TENM3: variants seen among roughly 807,000 people sequenced by gnomAD.
The protein encoded by TENM3 is teneurin transmembrane protein 3, also known as teneurin-3.
A neutral mutation model predicts 255.1 loss-of-function variants in TENM3; 63 were observed. The ratio of observed to expected loss-of-function variants is 0.25; its 90% CI spans 0.20 to 0.30. The LOEUF (loss-of-function observed/expected upper bound fraction) is 0.30, where lower values mean the gene tolerates loss of function less well. TENM3 is among the 10% of genes least tolerant of loss of function. The probability of loss-of-function intolerance (pLI) is 1.00; values close to 1 mark genes in which losing one functional copy is unlikely to be tolerated. For missense variants in TENM3, 2,929 were observed against 3,461.1 expected (o/e 0.85, Z 3.86); for synonymous variants, 1,306 against 1,322.3 (o/e 0.99, Z 0.27).
At chr4:182,615,337 AG>A (rs571462873) in intron 4 of TENM3, among the ~76,000 whole-genome samples, 119 of 152,288 alleles carry the variant, frequency 7.8e-4, no homozygotes, top group African/African-American at 2.7e-3. Context: ...GTGGAGAACT[AG>A]TACTCTCTCT....
intron 3 of TENM3, among the ~76,000 whole-genome samples, chr4:182,547,760 C>A (rs1248702493): frequency 6.6e-6 from 1 of 152,102 alleles, no homozygotes; most frequent in Admixed American, 6.5e-5. Flanking sequence ...ATGTAAGGAA[C>A]CAAAATCATA....
intron 3 of TENM3, among the ~76,000 whole-genome samples, chr4:182,485,819 G>A (rs1023813332): frequency 2.6e-5 from 4 of 152,172 alleles, no homozygotes; most frequent in African/African-American, 9.7e-5. Flanking sequence ...GTTTATAGTC[G>A]ATTCAGAAAT....
chr4:181,621,189 T>A, the TENM3 span, among the ~76,000 whole-genome samples: 3 of 152,142 alleles, frequency 2.0e-5, no homozygotes, highest in Non-Finnish European at 2.9e-5. Context: ...AACAAAAGAC[T>A]CAAGAGTCCT....
At chr4:181,982,016 C>T in the TENM3 span, among the ~76,000 whole-genome samples, 1 of 152,104 alleles carries the variant, frequency 6.6e-6, no homozygotes, top group Non-Finnish European at 1.5e-5. Flanking sequence ...GAGTGAATCA[C>T]ACCACACAAG....
At chr4:182,075,040 G>A in the TENM3 span, among the ~76,000 whole-genome samples, 4 of 152,026 alleles carry the variant, frequency 2.6e-5, no homozygotes, top group South Asian at 2.1e-4. Context: ...CCAGAGTGGC[G>A]CCTGATGGGG....
the TENM3 span, among the ~76,000 whole-genome samples, chr4:181,628,235 C>A: frequency 1.3e-5 from 2 of 151,980 alleles, no homozygotes; most frequent in Non-Finnish European, 2.9e-5. Flanking sequence ...GGATATTAGC[C>A]CTTTGTCAGA....
the TENM3 span, among the ~76,000 whole-genome samples, chr4:181,471,336 G>T: frequency 2.6e-5 from 4 of 152,122 alleles, no homozygotes. Context: ...CACTTTGTTG[G>T]AGATTATCAC....
chr4:182,750,795 G>C (rs1288821492), intron 19 of TENM3, among the ~76,000 whole-genome samples: 1 of 152,122 alleles, frequency 6.6e-6, no homozygotes, highest in Non-Finnish European at 1.5e-5. Context: ...AAGATACATG[G>C]AGTTTGATAG....
chr4:181,833,475 C>T, the TENM3 span, among the ~76,000 whole-genome samples: 1 of 152,202 alleles, frequency 6.6e-6, no homozygotes, highest in African/African-American at 2.4e-5. Flanking sequence ...GAGCATGTCG[C>T]TGCCATGCTT....
chr4:181,864,850 C>T, the TENM3 span, among the ~76,000 whole-genome samples: 3 of 152,130 alleles, frequency 2.0e-5, no homozygotes, highest in Non-Finnish European at 4.4e-5. Context: ...CCCTCCTTTT[C>T]CCAAGACTCT....
chr4:182,186,924 C>A (rs923400218), intron 1 of TENM3, among the ~76,000 whole-genome samples: 36 of 149,274 alleles, frequency 2.4e-4, no homozygotes, highest in Admixed American at 8.0e-4. Context: ...AGAGATAGCA[C>A]CGCTTCTTCA....
At chr4:182,130,309 G>A in the TENM3 span, among the ~76,000 whole-genome samples, 2 of 152,104 alleles carry the variant, frequency 1.3e-5, no homozygotes, top group Non-Finnish European at 1.5e-5. Context: ...TCCATTAGTG[G>A]TATTGTCACC....
chr4:182,002,727 A>T, the TENM3 span, among the ~76,000 whole-genome samples: 1 of 152,260 alleles, frequency 6.6e-6, no homozygotes, highest in East Asian at 1.9e-4. Context: ...TTATTTAAGA[A>T]TACTAATAAT....
At chr4:181,737,716 A>G in the TENM3 span, among the ~76,000 whole-genome samples, 3 of 152,106 alleles carry the variant, frequency 2.0e-5, no homozygotes, top group African/African-American at 7.2e-5. Context: ...CATAACCACA[A>G]GACATGACGC....
the TENM3 span, among the ~76,000 whole-genome samples, chr4:181,641,429 C>T: frequency 1.3e-5 from 2 of 150,190 alleles, no homozygotes; most frequent in Non-Finnish European, 1.5e-5. Flanking sequence ...TGAGAACATG[C>T]GGTGTTTGGT....
At chr4:182,106,197 C>T in the TENM3 span, among the ~76,000 whole-genome samples, 2 of 152,194 alleles carry the variant, frequency 1.3e-5, no homozygotes, top group African/African-American at 2.4e-5. Context: ...CACGGTGGCT[C>T]ATACCTGGAA....
chr4:181,887,208 C>T, the TENM3 span, among the ~76,000 whole-genome samples: 9 of 151,204 alleles, frequency 6.0e-5, no homozygotes, highest in Admixed American at 5.3e-4. Context: ...AGTTACTGGT[C>T]GGGTCTTCCC....
intron 3 of TENM3, among the ~76,000 whole-genome samples, chr4:182,492,311 A>G (rs1216715607): frequency 1.3e-5 from 2 of 152,200 alleles, no homozygotes; most frequent in African/African-American, 4.8e-5. Flanking sequence ...TTATCCTGAT[A>G]AGGAACTTGG....
At chr4:182,634,265 G>A (rs898203709) in intron 5 of TENM3, among the ~76,000 whole-genome samples, 7 of 152,232 alleles carry the variant, frequency 4.6e-5, no homozygotes, top group Admixed American at 6.5e-5. Flanking sequence ...CTCAAACAGC[G>A]ACATGGGGCT....
Sources: gnomAD v4.1 joint callset for allele counts (sites outside exome capture counted in the v4.1 genomes callset) on GRCh38, gnomAD v4.1.1 for gene constraint, MANE v1.5 for transcripts, NCBI Gene and HGNC (gene_info 2026-07-23, HGNC 2026-07-21) for gene names.